The following PCSK5 variants were observed in gnomAD, a reference collection of about 807,000 sequenced individuals.
PCSK5 encodes the protein proprotein convertase subtilisin/kexin type 5.
In PCSK5, 129 loss-of-function variants were observed where a neutral mutation model predicts 233.2. That is an observed-to-expected ratio of 0.55 (90% CI 0.48 to 0.64). PCSK5 has a LOEUF of 0.64. Among genes scored for constraint, PCSK5 ranks in the 30% least tolerant of loss-of-function variants. The pLI, the probability that PCSK5 is intolerant of heterozygous loss-of-function variation, is 0.00. For synonymous variants in PCSK5, 825 were observed against 879.2 expected (o/e 0.94, Z 1.09); for missense variants, 2,076 against 2,430.1 (o/e 0.85, Z 3.06).
intron 34 of PCSK5, among the ~76,000 whole-genome samples, chr9:76,333,094 C>T (rs1217359023): frequency 6.6e-6 from 1 of 152,222 alleles, no homozygotes; most frequent in Non-Finnish European, 1.5e-5. Context: ...GGGATGATCA[C>T]TTGAACCCAG....
intron 9 of PCSK5, among the ~76,000 whole-genome samples, chr9:76,122,829 T>C (rs35275018): frequency 0.38 from 47,285 of 124,296 alleles, 8,023 homozygotes; most frequent in Non-Finnish European, 0.45. Flanking sequence ...TTTTTTTTCT[T>C]TTTTTTTTTT....
In PCSK5 at chr9:76,238,965, A is replaced by G. The variant is rs934624872; in HGVS notation, c.2873A>G (p.Tyr958Cys). 2.5e-6 allele frequency: 4 copies of G among 1,611,692 alleles called. No homozygotes were observed. The highest frequency in any genetic ancestry group is 1.7e-4 in the Middle Eastern group (1 of 6,060). Residue 958 changes from tyrosine (Y) to cysteine (C), a missense_variant, in exon 23 of 38, where the codon TAT becomes TGT. This residue lies in a region of PCSK5 where 1,510 missense variants were observed against 1,538.1 expected (regional missense o/e 0.98). Transcript: ENST00000674117. ...THCTSCGADN[Y>C]GREHFLYQGE... is the part of the protein sequence containing the mutation. ...TGCCCCTGTAACTGATCAGACAACT[A>G]TGGCCGAGAGCACTTCCTGTACCAG...
chr9:76,037,971 T>G (rs1828932569), intron 5 of PCSK5, among the ~76,000 whole-genome samples: 1 of 152,192 alleles, frequency 6.6e-6, no homozygotes, highest in Non-Finnish European at 1.5e-5. Flanking sequence ...TTTTTAGATA[T>G]CCACGCACCA....
At chr9:75,973,570 G>A (rs1022281368) in intron 2 of PCSK5, among the ~76,000 whole-genome samples, 2 of 152,148 alleles carry the variant, frequency 1.3e-5, no homozygotes, top group African/African-American at 2.4e-5. Context: ...TTGGAGACCC[G>A]ACCTTGGCCT....
intron 21 of PCSK5, among the ~76,000 whole-genome samples, chr9:76,233,249 C>T (rs1423157912): frequency 6.6e-6 from 1 of 152,176 alleles, no homozygotes; most frequent in East Asian, 1.9e-4. Context: ...CAGTTTCTGG[C>T]ATGCTGGCTG....
At chr9:76,259,975 C>T (rs573011302) in intron 24 of PCSK5, among the ~76,000 whole-genome samples, 1 of 152,290 alleles carries the variant, frequency 6.6e-6, no homozygotes, top group East Asian at 1.9e-4. Context: ...TCCACTTCTC[C>T]CTATTTAGCC....
intron 5 of PCSK5, among the ~76,000 whole-genome samples, chr9:76,030,939 G>A (rs1017387471): frequency 2.6e-5 from 4 of 152,084 alleles, no homozygotes; most frequent in South Asian, 2.1e-4. Flanking sequence ...GATTGTTGGA[G>A]GACACAGACA....
intron 3 of PCSK5, among the ~76,000 whole-genome samples, chr9:76,021,866 C>A (rs972281684): frequency 3.3e-5 from 5 of 152,130 alleles, no homozygotes; most frequent in African/African-American, 1.2e-4. Context: ...ACCATGCCTC[C>A]GCTTCTAACT....
chr9:76,338,874 C>G (rs966508140), intron 35 of PCSK5, among the ~76,000 whole-genome samples: 3 of 152,110 alleles, frequency 2.0e-5, no homozygotes, highest in Non-Finnish European at 4.4e-5. Context: ...CACCATCTAC[C>G]AAGGAGTCCA....
Position 76,101,866 on chromosome 9 carries a change from C to T in PCSK5, c.1108-5385C>T, listed in dbSNP as rs555069007. Among the ~76,000 whole-genome samples, 8 of 152,280 alleles carry T rather than the reference C, an allele frequency of 5.3e-5. No homozygotes were observed. In the South Asian group the frequency reaches 1.5e-3, roughly 28 times the overall value. On this transcript the variant is annotated intron_variant, in intron 8 of 37. Transcript: ENST00000674117. ...AATATTCTGCTCCTCTTCTACCACC[C>T]GATTCATTTTTCAAATGCATTCACC...
intron 24 of PCSK5, among the ~76,000 whole-genome samples, chr9:76,286,155 AACAGAG>A (rs1828058133): frequency 6.6e-6 from 1 of 152,176 alleles, no homozygotes; most frequent in Non-Finnish European, 1.5e-5. Context: ...TCCCCCCATA[AACAGAG>A]ACAAAGTGAA....
chr9:75,974,294 G>T (rs1486628646), intron 2 of PCSK5, among the ~76,000 whole-genome samples: 1 of 152,154 alleles, frequency 6.6e-6, no homozygotes. Flanking sequence ...CATTCATCAG[G>T]CCTTCTTCCA....
intron 21 of PCSK5, among the ~76,000 whole-genome samples, chr9:76,228,126 C>T (rs747916495): frequency 6.6e-5 from 10 of 151,936 alleles, no homozygotes; most frequent in East Asian, 1.9e-4. Flanking sequence ...CCCACCACCA[C>T]GCCTGGCTAA....
At chr9:75,908,206 C>G (rs1822488993) in intron 1 of PCSK5, among the ~76,000 whole-genome samples, 1 of 152,210 alleles carries the variant, frequency 6.6e-6, no homozygotes. Context: ...AAGCCAATCT[C>G]TCAGTAGAGA....
chr9:75,917,436 T>A (rs548065092), intron 1 of PCSK5, among the ~76,000 whole-genome samples: 1 of 152,326 alleles, frequency 6.6e-6, no homozygotes, highest in Non-Finnish European at 1.5e-5. Context: ...ATATTTTAAT[T>A]AGACTGATAT....
At chr9:76,090,960 G>T (rs1167148419) in intron 7 of PCSK5, among the ~76,000 whole-genome samples, 9 of 121,220 alleles carry the variant, frequency 7.4e-5, no homozygotes, top group Non-Finnish European at 1.7e-4. Context: ...CCTCGCATGC[G>T]TAGGTCATAA....
chr9:76,350,041 G>T (rs1395671209), intron 35 of PCSK5, among the ~76,000 whole-genome samples: 1 of 151,680 alleles, frequency 6.6e-6, no homozygotes, highest in African/African-American at 2.4e-5. Flanking sequence ...CTACTTGGAG[G>T]CTGAGACAAG....
At chr9:76,259,192 T>C (rs982153977) in intron 24 of PCSK5, among the ~76,000 whole-genome samples, 1 of 152,196 alleles carries the variant, frequency 6.6e-6, no homozygotes, top group African/African-American at 2.4e-5. Context: ...TTATTAACTT[T>C]AGTCTCCTGC....
chr9:75,949,880 A>G (rs904861020), intron 2 of PCSK5, among the ~76,000 whole-genome samples: 1 of 152,154 alleles, frequency 6.6e-6, no homozygotes, highest in African/African-American at 2.4e-5. Context: ...GGTACACAAG[A>G]TGTTTGATAC....
Sources: gnomAD v4.1 joint callset for allele counts (sites outside exome capture counted in the v4.1 genomes callset) on GRCh38, gnomAD v4.1.1 for gene constraint, gnomAD v4.1.1 regional missense constraint, MANE v1.5 for transcripts, NCBI Gene and HGNC (gene_info 2026-07-23, HGNC 2026-07-21) for gene names.